Variants in TTN observed in about 807,000 individuals in gnomAD.
TTN encodes titin.
A neutral mutation model predicts 3,223.0 loss-of-function variants in TTN; 1,525 were observed. The ratio of observed to expected loss-of-function variants is 0.47; its 90% CI spans 0.45 to 0.49. The LOEUF is 0.49. Among genes scored for constraint, TTN ranks in the 20% least tolerant of loss-of-function variants. The probability of loss-of-function intolerance (pLI) is 0.00; values close to 1 mark genes in which losing one functional copy is unlikely to be tolerated. For synonymous variants in TTN, 14,094 were observed against 15,161.0 expected, an observed-to-expected ratio of 0.93 and a Z score of 5.17; for missense variants, 40,786 against 43,424.0, an observed-to-expected ratio of 0.94 and a Z score of 5.40.
At chr2:178,667,413 C>A in intron 161 of TTN, 29 bp downstream of exon 161, 2 of 1,584,248 alleles carry the variant, frequency 1.3e-6, no homozygotes, top group Admixed American at 1.8e-5. Flanking sequence ...TAAAGATACT[C>A]ATCTGGGTTT....
In TTN at chr2:178,611,260, T is replaced by C. The variant is rs372013419; in HGVS notation, c.50869A>G (p.Ile16957Val). Residue 16957 changes from isoleucine to valine, a missense_variant, in exon 270 of 363, where the codon ATT becomes GTT. Coordinates refer to ENST00000589042, the MANE Select transcript of TTN (RefSeq NM_001267550.2). ...VAKDPDCKPT[I>V]DLETHDIIVI... is the part of the protein sequence containing the mutation. ...ATAATGTCATGAGTCTCCAGGTCAA[T>C]TGTTGGCTTGCCTGTAAGATATCAT... 1.8e-5 allele frequency: 29 copies of C among 1,612,048 alleles called. No individual in the cohort carries two copies. Among genetic ancestry groups the C allele is most frequent in the Middle Eastern group, 1.6e-4 (1 of 6,068 alleles).
Position 178,547,807 on chromosome 2 carries a change from C to T in TTN, c.93819G>A (p.Leu31273=). Reference sequence around the variant, plus strand: ...CACCTCTCATGCTGTCCTTTACAGTCAGTGTGGTTCTGTCTTTTGTTGTTG... The same window carrying T: ...CACCTCTCATGCTGTCCTTTACAGTTAGTGTGGTTCTGTCTTTTGTTGTTG... ...SITTTKDRTT[L]TVKDSMRGDS... is the part of the protein sequence containing the mutation. Residue 31273 remains leucine, a synonymous_variant, in exon 339 of 363, where the codon CTG becomes CTA. Coordinates refer to ENST00000589042, the MANE Select transcript of TTN (RefSeq NM_001267550.2). 6.2e-7 allele frequency: 1 copy of T among 1,613,852 alleles called. No homozygotes were observed. Among genetic ancestry groups the T allele is most frequent in the Non-Finnish European group, 8.5e-7 (1 of 1,179,844 alleles).
Position 178,757,732 on chromosome 2 carries a change from G to T in TTN, c.10488C>A (p.Ile3496=). The change falls in exon 45 of 363, where the codon ATC becomes ATA. Residue 3496 remains isoleucine (I), a synonymous_variant. Coordinates refer to ENST00000589042, the MANE Select transcript of TTN (RefSeq NM_001267550.2). ...TTAGCTGCTGGTTATGAAACCATTG[G>T]ATTTCTGGCTTGGGAATGCCAGAAA... ...ARVSGIPKPE[I]QWFHNQQLIL... is the part of the protein sequence containing the mutation. 6.2e-7 allele frequency: 1 copy of T among 1,613,854 alleles called. No individual in the cohort carries two copies. Among genetic ancestry groups the T allele is most frequent in the Non-Finnish European group, 8.5e-7 (1 of 1,179,814 alleles).
At position 178,558,545 on chromosome 2, in the gene TTN, T is replaced by G. The variant is rs373312389; in HGVS notation, c.86914A>C (p.Ser28972Arg). 51 of 1,613,698 alleles carry G rather than the reference T, an allele frequency of 3.2e-5. No individual in the cohort carries two copies. Among genetic ancestry groups the G allele is most frequent in the Non-Finnish European group, 4.2e-5 (50 of 1,179,814 alleles). Reference protein sequence around the residue: ...TWLKPEHDGGSRIVHYVVEAL... With the variant: ...TWLKPEHDGGRRIVHYVVEAL... ...TCAACGACATAGTGTACAATTCTGC[T>G]TCCGCCATCATGTTCAGGCTTCAGC... is the stretch of plus-strand genomic sequence containing the variant. Residue 28972 changes from serine to arginine, a missense_variant, in exon 327 of 363, where the codon AGC becomes CGC. Transcript: ENST00000589042.
chr2:178,577,354 G>A lies in TTN; in HGVS notation c.68981C>T (p.Thr22994Ile), dbSNP rs183056142. 2.7e-4 allele frequency: 441 copies of A among 1,612,770 alleles called. 4 individuals are homozygous for A. In the East Asian group the frequency reaches 9.7e-3, roughly 36 times the overall value. ...AGKDIRPSDI[T>I]QITSTPTSSM... is the part of the protein sequence containing the mutation. Reference sequence around the variant, plus strand: ...AGATGTTGGGGTTGAAGTTATCTGAGTGATATCTGATGGTCTAATGTCTTT... The same window carrying A: ...AGATGTTGGGGTTGAAGTTATCTGAATGATATCTGATGGTCTAATGTCTTT... Residue 22994 changes from threonine (T) to isoleucine (I), a missense_variant, in exon 324 of 363, where the codon ACT (threonine) becomes ATT (isoleucine). Physicochemically the swap from Thr to Ile is moderately conservative, Grantham distance 89. Transcript: ENST00000589042.
At position 178,773,472 on chromosome 2, in the gene TTN, G is replaced by C. The variant is rs2154344653; in HGVS notation, c.7584C>G (p.Leu2528=). ...TAGAATAATCCTTACTTTCTACAGA[G>C]AGATTACAGTTGGTTTCAACTCTGC... ...IVGRVETNCN[L]SVEKIKIIRG... is the part of the protein sequence containing the mutation. The change falls in exon 32 of 363, where the codon CTC becomes CTG. Residue 2528 remains leucine (L), a synonymous_variant. Coordinates refer to ENST00000589042, the MANE Select transcript of TTN (RefSeq NM_001267550.2). 2 of 1,614,030 alleles carry C rather than the reference G, an allele frequency of 1.2e-6. No homozygotes were observed. The highest frequency in any genetic ancestry group is 2.2e-5 in the South Asian group (2 of 91,072).
rs371150940 is a variant in TTN, at chr2:178,609,272, C to T, written c.52038G>A (p.Leu17346=). The change falls in exon 273 of 363, where the codon CTG becomes CTA. Residue 17346 remains leucine (L), a synonymous_variant. Transcript: ENST00000589042. ...GGTCATTTTCAACTTTGATCATATA[C>T]AGACCATGGTCAGGTCGGAGAGAAT... is the stretch of plus-strand genomic sequence containing the variant. The part of the protein sequence containing the change: ...VRDSLRPDHG[L]YMIKVENDHG... 1.6e-5 allele frequency: 25 copies of T among 1,575,206 alleles called. No homozygotes were observed. Among genetic ancestry groups the T allele is most frequent in the Non-Finnish European group, 2.0e-5 (23 of 1,162,486 alleles).
chr2:178,597,481 TA>T (rs1488682257), intron 294 of TTN, 56 bp downstream of exon 294: 1 of 1,542,270 alleles, frequency 6.5e-7, no homozygotes, highest in Non-Finnish European at 8.8e-7. Context: ...TAGCTTTGTG[TA>T]AATATAATAA....
chr2:178,796,777 C>T (rs2093791672), intron 6 of TTN, among the ~76,000 whole-genome samples: 1 of 152,136 alleles, frequency 6.6e-6, no homozygotes, highest in Non-Finnish European at 1.5e-5. Context: ...CAGCAGGACA[C>T]AGGTAAGCCC....
intron 314 of TTN, 37 bp from the exon 315 acceptor site, chr2:178,582,245 A>T: frequency 6.3e-7 from 1 of 1,578,722 alleles, no homozygotes; most frequent in Non-Finnish European, 8.6e-7. Flanking sequence ...TTCCCAGGCT[A>T]AAAGATAATT....
At chr2:178,666,089 A>G (rs1461156963) in intron 163 of TTN, among the ~76,000 whole-genome samples, 1 of 152,178 alleles carries the variant, frequency 6.6e-6, no homozygotes, top group Non-Finnish European at 1.5e-5. Flanking sequence ...TTATGTTGAG[A>G]AAAACAAATT....
In TTN at chr2:178,559,512, C is replaced by T. The variant is rs765852996; in HGVS notation, c.86620G>A (p.Gly28874Arg). ...ATGTGGTAATTCTTCACTGGTGCTC[C>T]ACCATCGTTTTCAGGAACATCCCAG... Reference protein sequence around the residue: ...LSWDVPENDGGAPVKNYHIEK... With the variant: ...LSWDVPENDGRAPVKNYHIEK... Residue 28874 changes from glycine (G) to arginine (R), a missense_variant, in exon 326 of 363, where the codon GGA becomes AGA. By Grantham distance (125) the Gly-to-Arg change is moderately radical. Coordinates refer to ENST00000589042, the MANE Select transcript of TTN (RefSeq NM_001267550.2). The T allele has an allele frequency of 1.9e-6, 3 of 1,613,768 alleles. No homozygotes were observed. The South Asian group carries it at 3.3e-5, about 18-fold the overall frequency.
In TTN at chr2:178,566,504, A is replaced by G. The variant is rs1237559508; in HGVS notation, c.79628T>C (p.Leu26543Pro). ...TGAAATTTCAAATCGAGTGACTCTC[A>G]GGCCAGTCTGTGGAGTAACTATTTG... ...EWQIVTPQTG[L>P]RVTRFEISKL... Residue 26543 changes from leucine (L) to proline (P), a missense_variant, in exon 326 of 363, where the codon CTG becomes CCG. Physicochemically the swap from Leu to Pro is moderately conservative, Grantham distance 98. Transcript: ENST00000589042. The G allele has an allele frequency of 1.2e-6, 2 of 1,613,500 alleles. No homozygotes were observed. Among genetic ancestry groups the G allele is most frequent in the Non-Finnish European group, 1.7e-6 (2 of 1,179,672 alleles).
chr2:178,759,237 C>T (rs891437669), intron 43 of TTN, 65 bp from the exon 44 acceptor site: 24 of 1,527,046 alleles, frequency 1.6e-5, no homozygotes, highest in Non-Finnish European at 2.2e-5. Context: ...AATTTACCTG[C>T]AAACACAATG....
intron 170 of TTN, 38 bp downstream of exon 170, chr2:178,663,781 A>C: frequency 6.2e-7 from 1 of 1,612,464 alleles, no homozygotes; most frequent in Non-Finnish European, 8.5e-7. Flanking sequence ...TCAAGAGCAA[A>C]AGAATGAGAT....
At chr2:178,751,268 G>C (rs747399267) in intron 47 of TTN, 1 of 1,609,564 alleles carries the variant, frequency 6.2e-7, no homozygotes. Flanking sequence ...CTCCATTAAT[G>C]TTTTTCTAGC....
At chr2:178,787,988 T>C (rs2093294265) in intron 13 of TTN, among the ~76,000 whole-genome samples, 1 of 152,054 alleles carries the variant, frequency 6.6e-6, no homozygotes, top group African/African-American at 2.4e-5. Flanking sequence ...TATTATTTGG[T>C]CTGACTTTTC....
chr2:178,750,026 T>G, intron 47 of TTN: 1 of 1,613,250 alleles, frequency 6.2e-7, no homozygotes, highest in Non-Finnish European at 8.5e-7. Context: ...CTCCTCAGTT[T>G]GAAACACTTC....
At chr2:178,591,938 C>A (rs2050301827) in intron 302 of TTN, 40 bp downstream of exon 302, 1 of 1,606,842 alleles carries the variant, frequency 6.2e-7, no homozygotes, top group Non-Finnish European at 8.5e-7. Flanking sequence ...TTCTTAAAGA[C>A]AGTCAAACAA....
Sources: gnomAD v4.1 joint callset for allele counts (sites outside exome capture counted in the v4.1 genomes callset) on GRCh38, gnomAD v4.1.1 for gene constraint, MANE v1.5 for transcripts, NCBI Gene and HGNC (gene_info 2026-07-23, HGNC 2026-07-21) for gene names.